TIE1: variants seen among roughly 807,000 people sequenced by gnomAD.
TIE1 encodes the protein tyrosine kinase with immunoglobulin like and EGF like domains 1.
In TIE1, 89 loss-of-function variants were observed where a neutral mutation model predicts 130.5. The ratio of observed to expected loss-of-function variants is 0.68; its 90% CI spans 0.57 to 0.81. The LOEUF (loss-of-function observed/expected upper bound fraction) is 0.81, where lower values mean the gene tolerates loss of function less well. TIE1 is among the 40% of genes least tolerant of loss of function. The pLI is 0.00. For missense variants in TIE1, 1,392 were observed against 1,559.8 expected, an observed-to-expected ratio of 0.89 and a Z score of 1.81; for synonymous variants, 568 against 629.4, an observed-to-expected ratio of 0.90 and a Z score of 1.46.
At position 43,323,061 on chromosome 1, in the gene TIE1, A is replaced by C; in HGVS notation, c.*339A>C. 3 of 250,070 alleles carry C rather than the reference A, an allele frequency of 1.2e-5. No homozygotes were observed. The highest frequency in any genetic ancestry group is 1.2e-4 in the South Asian group (1 of 8,246). The allele number at this position is 250,070 out of a possible 1,614,324, so 15.5% of individuals were successfully genotyped here. A position where few individuals can be genotyped will look rare whatever the true frequency, so the allele number is the denominator to read the frequency against. ...TAACATGCCCTGTTCAGCTACTCCCACTCCCGGCCTGTCATTCAGAAAAAA... is the reference window on the plus strand; with the variant it reads ...TAACATGCCCTGTTCAGCTACTCCCCCTCCCGGCCTGTCATTCAGAAAAAA... On this transcript the variant is annotated 3_prime_UTR_variant, in exon 23 of 23. Coordinates refer to ENST00000372476, the MANE Select transcript of TIE1 (RefSeq NM_005424.5).
At position 43,309,455 on chromosome 1, in the gene TIE1, C is replaced by T. The variant is rs140823224; in HGVS notation, c.1256C>T (p.Ala419Val). Residue 419 changes from alanine to valine, a missense_variant, in exon 9 of 23, where the codon GCG (alanine) becomes GTG (valine). By Grantham distance (64) the Ala-to-Val change is moderately conservative. This residue lies in a region of TIE1 where 551 missense variants were observed against 565.5 expected (regional missense o/e 0.97). Transcript: ENST00000372476. The surrounding 1 kb of genome is among the most constrained non-coding windows in gnomAD (Gnocchi z 6.3). ...TTCGAGGTGCCCCGCTTGGTTCTTG[C>T]GGACAGTGGGTTCTGGGAGTGCCGT... is the stretch of plus-strand genomic sequence containing the variant. ...AEFEVPRLVL[A>V]DSGFWECRVS... 5.3e-5 allele frequency: 85 copies of T among 1,611,984 alleles called. 1 individual carries two copies. The highest frequency in any genetic ancestry group is 6.5e-5 in the Non-Finnish European group (77 of 1,179,142).
chr1:43,306,938 G>A lies in TIE1; in HGVS notation c.583G>A (p.Ala195Thr). 1 of 1,613,988 alleles carries A rather than the reference G, an allele frequency of 6.2e-7. No individual in the cohort carries two copies. Among genetic ancestry groups the A allele is most frequent in the South Asian group, 1.1e-5 (1 of 91,082 alleles). ...VQPPSSGIYS[A>T]TYLEASPLGS... ...GCCACCATCGAGCGGCATCTACAGT[G>A]CCACTTACCTGGAAGCCAGCCCCCT... Residue 195 changes from alanine (A) to threonine (T), a missense_variant, in exon 4 of 23, where the codon GCC becomes ACC. Ala to Thr is a moderately conservative substitution (Grantham distance 58, BLOSUM62 0). Coordinates refer to ENST00000372476, the MANE Select transcript of TIE1 (RefSeq NM_005424.5). The surrounding 1 kb of genome is among the most constrained non-coding windows in gnomAD (Gnocchi z 4.9).
At chr1:43,311,474 C>G (rs1262468710) in intron 9 of TIE1, among the ~76,000 whole-genome samples, 197 bp from the exon 10 acceptor site, 1 of 152,084 alleles carries the variant, frequency 6.6e-6, no homozygotes, top group African/African-American at 2.4e-5. Context: ...TTGGGACACC[C>G]TCATGCCTTT....
intron 14 of TIE1, chr1:43,314,464 T>A: frequency 1.9e-6 from 2 of 1,036,294 alleles, no homozygotes; most frequent in Non-Finnish European, 1.2e-6. Context: ...CACCTGCCAG[T>A]AGGCCAGTCA....
At chr1:43,320,811 C>A (rs1025820570) in intron 19 of TIE1, 1 of 152,150 alleles carries the variant, frequency 6.6e-6, no homozygotes, top group African/African-American at 2.4e-5. Flanking sequence ...GCCGAGATCT[C>A]GCCACTGCAC....
rs760171350 is a variant in TIE1, at chr1:43,311,786, C to T, written c.1449C>T (p.His483=). Residue 483 remains histidine, a synonymous_variant, in exon 10 of 23, where the codon CAC becomes CAT. Coordinates refer to ENST00000372476, the MANE Select transcript of TIE1 (RefSeq NM_005424.5). ...GACCCATCTCCACTGTCCGCCTGCA[C>T]TACCGGCCCCAGGACAGTACCATGG... ...GDGPISTVRL[H]YRPQDSTMDW... 4.3e-6 allele frequency: 7 copies of T among 1,614,140 alleles called. No homozygotes were observed. The Admixed American group carries it at 1.2e-4, about 27-fold the overall frequency.
rs2153911691 is a variant in TIE1, at chr1:43,311,673, C to T, written c.1336C>T (p.Pro446Ser). 1 of 1,610,678 alleles carries T rather than the reference C, an allele frequency of 6.2e-7. No individual in the cohort carries two copies. The highest frequency in any genetic ancestry group is 1.1e-5 in the South Asian group (1 of 90,596). The change falls in exon 10 of 23, where the codon CCC becomes TCC. Residue 446 changes from proline (P) to serine (S), a missense_variant and splice_region_variant. Transcript: ENST00000372476. Reference sequence around the variant, plus strand: ...CCTTACCCTGAGTCTCCTGGCAGTGCCCCCCGTGCCCCTGGCTGCACCTCG... The same window carrying T: ...CCTTACCCTGAGTCTCCTGGCAGTGTCCCCCGTGCCCCTGGCTGCACCTCG... ...SRRFKVNVKV[P>S]PVPLAAPRLL...
intron 22 of TIE1, among the ~76,000 whole-genome samples, chr1:43,321,917 C>A (rs1307116272): frequency 6.6e-6 from 1 of 152,208 alleles, no homozygotes. Flanking sequence ...CCTTCCAAAA[C>A]TCTTCCAAGG....
Position 43,309,465 on chromosome 1 carries a change from G to C in TIE1, c.1266G>C (p.Gly422=). 2 of 1,611,620 alleles carry C rather than the reference G, an allele frequency of 1.2e-6. No homozygotes were observed. Among genetic ancestry groups the C allele is most frequent in the South Asian group, 2.2e-5 (2 of 90,774 alleles). ...CCCGCTTGGTTCTTGCGGACAGTGG[G>C]TTCTGGGAGTGCCGTGTGTCCACAT... The part of the protein sequence containing the change: ...EVPRLVLADS[G]FWECRVSTSG... Residue 422 remains glycine, a synonymous_variant, in exon 9 of 23, where the codon GGG becomes GGC. Transcript: ENST00000372476. This position sits in a 1 kb window ranked among gnomAD's most constrained non-coding sequence, Gnocchi z 6.3.
intron 7 of TIE1, among the ~76,000 whole-genome samples, chr1:43,308,339 C>T (rs1345022998): frequency 6.6e-6 from 1 of 150,430 alleles, no homozygotes; most frequent in African/African-American, 2.5e-5. Context: ...GGTGCCAGGA[C>T]AGTGGAGTAG....
At position 43,309,646 on chromosome 1, in the gene TIE1, CT is replaced by C; in HGVS notation, c.1333+115del. On this transcript the variant is annotated intron_variant, in intron 9 of 22. Transcript: ENST00000372476. This position sits in a 1 kb window ranked among gnomAD's most constrained non-coding sequence, Gnocchi z 6.3. ...GGACAAGGACATCTAAGGTCATAGC[CT>C]AGCACCAGACAAAAAGCGGGGTTGT... 1 of 1,363,730 alleles carries C rather than the reference CT, an allele frequency of 7.3e-7. No homozygotes were observed. Among genetic ancestry groups the C allele is most frequent in the Non-Finnish European group, 9.6e-7 (1 of 1,041,704 alleles). The allele number at this position is 1,363,730 out of a possible 1,614,324, so 84.5% of individuals were successfully genotyped here. A position where few individuals can be genotyped will look rare whatever the true frequency, so the allele number is the denominator to read the frequency against.
Position 43,311,834 on chromosome 1 carries a change from G to A in TIE1, c.1492+5G>A. ...TGGACTGGTCGACCATTGTGGGTGA[G>A]TAGGGAGAGAGCTGGGGCAGGACAG... On this transcript the variant is annotated splice_donor_5th_base_variant and intron_variant, in intron 10 of 22. Coordinates refer to ENST00000372476, the MANE Select transcript of TIE1 (RefSeq NM_005424.5). 6.2e-7 allele frequency: 1 copy of A among 1,612,320 alleles called. No individual in the cohort carries two copies. Among genetic ancestry groups the A allele is most frequent in the South Asian group, 1.1e-5 (1 of 90,888 alleles).
rs1409755053 is a variant in TIE1, at chr1:43,312,132, G to A, written c.1630+1G>A. 4 of 1,542,370 alleles carry A rather than the reference G, an allele frequency of 2.6e-6. No homozygotes were observed. In the African/African-American group the frequency reaches 4.1e-5, roughly 16 times the overall value. On this transcript the variant is annotated splice_donor_variant, in intron 11 of 22. Transcript: ENST00000372476. LOFTEE classifies it high-confidence loss of function. This position sits in a 1 kb window ranked among gnomAD's most constrained non-coding sequence, Gnocchi z 5.6. ...ACCCTCATGACCACAGACTGTCCTG[G>A]TGAGAGGCCAAGAGTCATCCCTTCC...
intron 7 of TIE1, 78 bp from the exon 8 acceptor site, chr1:43,308,906 CAG>C (rs1187144659): frequency 1.3e-6 from 2 of 1,599,366 alleles, no homozygotes; most frequent in Admixed American, 1.7e-5. Flanking sequence ...CACTGAGAAA[CAG>C]AACACGGATG....
At position 43,316,386 on chromosome 1, in the gene TIE1, T is replaced by C. The variant is rs1490752478; in HGVS notation, c.2410-813T>C. ...CCTTGCCCATCAAGCTGGACTTCAGTGCACTTAGGAAGCCCCACCAGAAGG... is the reference window on the plus strand; with the variant it reads ...CCTTGCCCATCAAGCTGGACTTCAGCGCACTTAGGAAGCCCCACCAGAAGG... On this transcript the variant is annotated intron_variant, in intron 14 of 22. Coordinates refer to ENST00000372476, the MANE Select transcript of TIE1 (RefSeq NM_005424.5). This position sits in a 1 kb window ranked among gnomAD's most constrained non-coding sequence, Gnocchi z 4.4. Among the ~76,000 whole-genome samples, 1 of 152,228 alleles carries C rather than the reference T, an allele frequency of 6.6e-6. No individual in the cohort carries two copies. Among genetic ancestry groups the C allele is most frequent in the African/African-American group, 2.4e-5 (1 of 41,458 alleles).
chr1:43,306,820 G>T lies in TIE1; in HGVS notation c.485-20G>T. 1.3e-6 allele frequency: 2 copies of T among 1,595,024 alleles called. No individual in the cohort carries two copies. Among genetic ancestry groups the T allele is most frequent in the South Asian group, 1.1e-5 (1 of 87,298 alleles). ...GCCCTCATGTAGTGCTGAGGCCCCT[G>T]ACACATTCATGTCCCCCAGGATCCT... On this transcript the variant is annotated intron_variant, in intron 3 of 22. Coordinates refer to ENST00000372476, the MANE Select transcript of TIE1 (RefSeq NM_005424.5). The surrounding 1 kb of genome is among the most constrained non-coding windows in gnomAD (Gnocchi z 4.9).
At position 43,309,067 on chromosome 1, in the gene TIE1, C is replaced by A; in HGVS notation, c.1124C>A (p.Ala375Glu). The A allele has an allele frequency of 6.2e-7, 1 of 1,613,986 alleles. No individual in the cohort carries two copies. The highest frequency in any genetic ancestry group is 8.5e-7 in the Non-Finnish European group (1 of 1,179,916). Residue 375 changes from alanine (A) to glutamate (E), a missense_variant, in exon 8 of 23, where the codon GCA (alanine) becomes GAA (glutamate). This residue lies in a region of TIE1 where 551 missense variants were observed against 565.5 expected (regional missense o/e 0.97). Transcript: ENST00000372476. This position sits in a 1 kb window ranked among gnomAD's most constrained non-coding sequence, Gnocchi z 6.3. ...ETMPRINCAA[A>E]GNPFPVRGSI... ...ATGCCCCGGATCAACTGTGCAGCTGCAGGGAACCCCTTCCCCGTGCGGGGC... is the reference window on the plus strand; with the variant it reads ...ATGCCCCGGATCAACTGTGCAGCTGAAGGGAACCCCTTCCCCGTGCGGGGC...
intron 3 of TIE1, among the ~76,000 whole-genome samples, chr1:43,305,980 A>G (rs1646724640): frequency 6.6e-6 from 1 of 152,172 alleles, no homozygotes; most frequent in Non-Finnish European, 1.5e-5. Flanking sequence ...CCCTTTGGCC[A>G]AGGGGGCTGC....
intron 1 of TIE1, among the ~76,000 whole-genome samples, chr1:43,303,841 G>C (rs1438804477): frequency 6.6e-6 from 1 of 152,002 alleles, no homozygotes; most frequent in Non-Finnish European, 1.5e-5. Context: ...TGCTCCAACT[G>C]TACCTCCCAG....
Sources: gnomAD v4.1 joint callset for allele counts (sites outside exome capture counted in the v4.1 genomes callset) on GRCh38, gnomAD v4.1.1 for gene constraint, gnomAD v4.1.1 regional missense constraint, Gnocchi (gnomAD v3.1) non-coding constraint, MANE v1.5 for transcripts, NCBI Gene and HGNC (gene_info 2026-07-23, HGNC 2026-07-21) for gene names.